The following UBR1 variants were observed in gnomAD, a reference collection of about 807,000 sequenced individuals.
UBR1 encodes E3 ubiquitin-protein ligase UBR1.
A neutral mutation model predicts 242.1 loss-of-function variants in UBR1; 102 were observed. The observed-to-expected ratio is 0.42, with a 90% CI of 0.36 to 0.50. The LOEUF (loss-of-function observed/expected upper bound fraction) is 0.50, where lower values mean the gene tolerates loss of function less well. Among genes scored for constraint, UBR1 ranks in the 20% least tolerant of loss-of-function variants. The pLI, the probability that UBR1 is intolerant of heterozygous loss-of-function variation, is 0.01. For synonymous variants in UBR1, 675 were observed against 684.8 expected (o/e 0.99, Z 0.22); for missense variants, 1,772 against 2,101.8 (o/e 0.84, Z 3.07).
rs561720791 is a variant in UBR1, at chr15:42,990,030, G to A, written c.3848C>T (p.Ser1283Leu). The A allele has an allele frequency of 1.6e-5, 25 of 1,605,316 alleles. No homozygotes were observed. Among genetic ancestry groups the A allele is most frequent in the South Asian group, 8.9e-5 (8 of 90,016 alleles). ...TTCTCTTAACTATTTAGATACTTAC[G>A]AAGACTCAACGCCAAAACTCAGGAT... ...HSILSFGVESSIKYSNSIKEM... is the reference protein window; with the variant it reads ...HSILSFGVESLIKYSNSIKEM... The change falls in exon 34 of 47, where the codon TCG (serine) becomes TTG (leucine). Residue 1283 changes from serine (S) to leucine (L), a missense_variant and splice_region_variant. Coordinates refer to ENST00000290650, the MANE Select transcript of UBR1 (RefSeq NM_174916.3).
chr15:43,086,111 A>G lies in UBR1; in HGVS notation c.211T>C (p.Phe71Leu). The G allele has an allele frequency of 6.2e-7, 1 of 1,614,066 alleles. No individual in the cohort carries two copies. The highest frequency in any genetic ancestry group is 8.5e-7 in the Non-Finnish European group (1 of 1,179,992). ...KQEESVQMSI[F>L]TPLEWYLFGE... ...AATAAGTACCATTCCAGTGGAGTGAATATTGACATTTGTACACTTTCCTCC... is the reference window on the plus strand; with the variant it reads ...AATAAGTACCATTCCAGTGGAGTGAGTATTGACATTTGTACACTTTCCTCC... Residue 71 changes from phenylalanine to leucine, a missense_variant, in exon 2 of 47, where the codon TTC becomes CTC. Transcript: ENST00000290650.
At chr15:43,025,294 C>T in intron 24 of UBR1, 87 bp downstream of exon 24, 1 of 1,376,590 alleles carries the variant, frequency 7.3e-7, no homozygotes, top group Non-Finnish European at 1.0e-6. Flanking sequence ...CTCTCAAAAA[C>T]CAACAACAAC....
At chr15:43,059,658 CAT>C in intron 8 of UBR1, 42 bp downstream of exon 8, 2 of 1,601,542 alleles carry the variant, frequency 1.2e-6, no homozygotes, top group Non-Finnish European at 1.7e-6. Context: ...CTATAAAACA[CAT>C]AGTATTTTAT....
In UBR1 at chr15:42,966,535, G is replaced by A. The variant is rs577135432; in HGVS notation, c.4458-249C>T. 2.4e-4 allele frequency among the ~76,000 whole-genome samples: 37 copies of A among 152,112 alleles called. 2 individuals carry two copies. In the East Asian group the frequency reaches 6.8e-3, roughly 28 times the overall value. ...AACCCCAGTCTCTACTGAATTAGCCGGGCATGGTGGTGGGCACCTGTGATC... is the reference window on the plus strand; with the variant it reads ...AACCCCAGTCTCTACTGAATTAGCCAGGCATGGTGGTGGGCACCTGTGATC... On this transcript the variant is annotated intron_variant, in intron 40 of 46. Coordinates refer to ENST00000290650, the MANE Select transcript of UBR1 (RefSeq NM_174916.3).
At chr15:43,078,649 T>C (rs59533717) in intron 3 of UBR1, among the ~76,000 whole-genome samples, 1,881 of 152,206 alleles carry the variant, frequency 0.012, 33 homozygotes, top group African/African-American at 0.041. Context: ...ATGACTTGAA[T>C]CAGATGAAAA....
At chr15:43,066,462 T>C (rs766528299) in intron 6 of UBR1, among the ~76,000 whole-genome samples, 80 of 152,366 alleles carry the variant, frequency 5.3e-4, no homozygotes, top group Non-Finnish European at 8.1e-4. Context: ...TTTGGTTCCA[T>C]TTGAATTTTT....
chr15:43,069,390 C>T (rs2033795499), intron 5 of UBR1, among the ~76,000 whole-genome samples: 1 of 151,870 alleles, frequency 6.6e-6, no homozygotes, highest in African/African-American at 2.4e-5. Flanking sequence ...CATTCTCATG[C>T]CTCAGCCTAC....
intron 28 of UBR1, among the ~76,000 whole-genome samples, chr15:43,016,271 T>A (rs1419212372): frequency 1.3e-5 from 2 of 152,212 alleles, no homozygotes; most frequent in Non-Finnish European, 2.9e-5. Flanking sequence ...ACAATTTTTT[T>A]AACTTTAACA....
intron 38 of UBR1, 146 bp from the exon 39 acceptor site, chr15:42,977,013 A>G (rs544833082): frequency 1.1e-6 from 1 of 925,946 alleles, no homozygotes; most frequent in African/African-American, 1.6e-5. Context: ...TTATTTATTC[A>G]ATAGAATATC....
chr15:43,054,026 A>C (rs1157672102), intron 12 of UBR1, among the ~76,000 whole-genome samples: 1 of 152,152 alleles, frequency 6.6e-6, no homozygotes. Flanking sequence ...ACAAATACGG[A>C]GGATCAACTG....
At chr15:42,987,660 C>T (rs1596086976) in intron 35 of UBR1, among the ~76,000 whole-genome samples, 1 of 144,464 alleles carries the variant, frequency 6.9e-6, no homozygotes, top group South Asian at 2.2e-4. Flanking sequence ...GTTGTGGTGG[C>T]CGAGATTGTG....
At chr15:43,093,790 C>CAAAA (rs35967267) in intron 1 of UBR1, among the ~76,000 whole-genome samples, 27 of 52,016 alleles carry the variant, frequency 5.2e-4, no homozygotes, top group African/African-American at 1.8e-3. Flanking sequence ...GCTCCGTCTC[C>CAAAA]AAAAAAAAAA....
chr15:42,960,612 A>G, intron 43 of UBR1, 33 bp downstream of exon 43: 1 of 1,608,660 alleles, frequency 6.2e-7, no homozygotes, highest in Non-Finnish European at 8.5e-7. Flanking sequence ...CAACTTGTGG[A>G]TGAGGGAGAA....
rs2141307989 is a variant in UBR1, at chr15:43,027,832, T to C, written c.2380-4A>G. ...CTAAGCCAGTTTCATTATTTTCCTG[T>C]TGAAACAATATTTTTGTCATTTTTA... On this transcript the variant is annotated splice_region_variant and splice_polypyrimidine_tract_variant and intron_variant, in intron 21 of 46. Transcript: ENST00000290650. The C allele has an allele frequency of 5.6e-6, 9 of 1,612,010 alleles. No individual in the cohort carries two copies. The highest frequency in any genetic ancestry group is 7.6e-6 in the Non-Finnish European group (9 of 1,179,098).
At chr15:42,991,226 A>C (rs1467647829) in intron 33 of UBR1, among the ~76,000 whole-genome samples, 1 of 151,792 alleles carries the variant, frequency 6.6e-6, no homozygotes, top group Non-Finnish European at 1.5e-5. Flanking sequence ...CAGTGAGCCG[A>C]GATCGCACCA....
chr15:42,979,743 A>T (rs2032347138), intron 37 of UBR1, among the ~76,000 whole-genome samples: 1 of 151,942 alleles, frequency 6.6e-6, no homozygotes, highest in East Asian at 1.9e-4. Context: ...TTTTTAGTAG[A>T]GATGGGGTTT....
intron 17 of UBR1, 92 bp downstream of exon 17, chr15:43,037,681 G>C: frequency 9.1e-7 from 1 of 1,095,188 alleles, no homozygotes; most frequent in Admixed American, 2.0e-5. Flanking sequence ...CATACACTCA[G>C]TAAAATCTAG....
At chr15:42,985,137 A>G (rs940998241) in intron 35 of UBR1, among the ~76,000 whole-genome samples, 195 bp from the exon 36 acceptor site, 1 of 152,250 alleles carries the variant, frequency 6.6e-6, no homozygotes, top group Non-Finnish European at 1.5e-5. Context: ...AATCAAATGT[A>G]TATCATTTAC....
At chr15:42,964,070 T>A (rs368478172) in intron 41 of UBR1, 27 bp from the exon 42 acceptor site, 1 of 1,466,844 alleles carries the variant, frequency 6.8e-7, no homozygotes, top group Admixed American at 1.7e-5. Flanking sequence ...ATACATTTAA[T>A]AAGCACATTA....
Sources: gnomAD v4.1 joint callset for allele counts (sites outside exome capture counted in the v4.1 genomes callset) on GRCh38, gnomAD v4.1.1 for gene constraint, MANE v1.5 for transcripts, NCBI Gene and HGNC (gene_info 2026-07-23, HGNC 2026-07-21) for gene names.